Variants in ATXN2L observed in about 807,000 individuals in gnomAD.
The protein encoded by ATXN2L is ataxin 2 like.
Under a neutral mutation model 120.7 loss-of-function variants are expected in ATXN2L, and 24 were observed. The ratio of observed to expected loss-of-function variants is 0.20; its 90% confidence interval spans 0.14 to 0.28. ATXN2L has a LOEUF of 0.28. Among genes scored for constraint, ATXN2L ranks in the 10% least tolerant of loss-of-function variants. ATXN2L has a pLI of 1.00. For synonymous variants in ATXN2L, 653 were observed against 568.1 expected, an observed-to-expected ratio of 1.15 and a Z score of -2.13; for missense variants, 1,312 against 1,432.3, an observed-to-expected ratio of 0.92 and a Z score of 1.36.
Position 28,832,190 on chromosome 16 carries a change from C to T in ATXN2L, c.1322-15C>T. The T allele has an allele frequency of 6.2e-7, 1 of 1,613,996 alleles. No homozygotes were observed. Among genetic ancestry groups the T allele is most frequent in the Non-Finnish European group, 8.5e-7 (1 of 1,179,908 alleles). ...ACCAGCAGTAACCATCCTACAGCTC[C>T]CCCTTTTCTTCCAGTGGGCCGGATG... On this transcript the variant is annotated splice_polypyrimidine_tract_variant and intron_variant, in intron 10 of 21. Coordinates refer to ENST00000336783, the MANE Select transcript of ATXN2L (RefSeq NM_007245.4).
chr16:28,823,028 G>T lies in ATXN2L; in HGVS notation c.-232G>T. On this transcript the variant is annotated 5_prime_UTR_variant, in exon 1 of 22. Transcript: ENST00000336783. The stretch of plus-strand genomic sequence containing the variant: ...ACGCGCACGCGCGCCAGCCCGGCTC[G>T]CGCCCTCTCGCTTTCCTCCAGCCGC... 1 of 226,956 alleles carries T rather than the reference G, an allele frequency of 4.4e-6. No individual in the cohort carries two copies. Among genetic ancestry groups the T allele is most frequent in the East Asian group, 8.3e-5 (1 of 12,008 alleles). The allele number at this position is 226,956 out of a possible 1,614,324, so 14.1% of individuals were successfully genotyped here.
At chr16:28,826,812 AAG>A in intron 5 of ATXN2L, 48 bp from the exon 6 acceptor site, 3 of 1,489,548 alleles carry the variant, frequency 2.0e-6, no homozygotes, top group Non-Finnish European at 2.7e-6. Context: ...TATTGGAAAG[AAG>A]TCTGTGAAAT....
In ATXN2L at chr16:28,833,522, G is replaced by A; in HGVS notation, c.2025+14G>A. ...CTGCTGTCTGTGGTGAGCTGGGACA[G>A]GAGAATGTGGACTTTGGTTTCTGTG... On this transcript the variant is annotated intron_variant, in intron 15 of 21. Coordinates refer to ENST00000336783, the MANE Select transcript of ATXN2L (RefSeq NM_007245.4). The A allele has an allele frequency of 6.2e-7, 1 of 1,613,900 alleles. No individual in the cohort carries two copies.
Position 28,826,504 on chromosome 16 carries a change from G to A in ATXN2L, c.616+114G>A. The A allele has an allele frequency of 9.2e-6, 12 of 1,308,962 alleles. 1 individual carries two copies. The Admixed American group carries it at 2.4e-4, about 27-fold the overall frequency. 81.1% of individuals were successfully genotyped at this position (1,308,962 alleles called of 1,614,324 possible). On this transcript the variant is annotated intron_variant, in intron 5 of 21. Coordinates refer to ENST00000336783, the MANE Select transcript of ATXN2L (RefSeq NM_007245.4). The stretch of plus-strand genomic sequence containing the variant: ...TTGGTTTGTTTTTTTGTTTTTGTTT[G>A]TTTGTTTTGCTTTAATGCCTTTTTT...
rs1960014958 is a variant in ATXN2L, at chr16:28,835,306, T to C, written c.2592T>C (p.His864=). The C allele has an allele frequency of 6.2e-7, 1 of 1,613,796 alleles. No homozygotes were observed. The highest frequency in any genetic ancestry group is 8.5e-7 in the Non-Finnish European group (1 of 1,179,972). ...CTGTTCACCAGTCCTACCCACACCA[T>C]GCCACACAGCTCCATGCCCACCAGC... ...YATVHQSYPH[H]ATQLHAHQPQ... Residue 864 remains histidine, a synonymous_variant, in exon 20 of 22, where the codon CAT becomes CAC. Transcript: ENST00000336783.
intron 4 of ATXN2L, 135 bp downstream of exon 4, chr16:28,825,976 T>C: frequency 1.0e-6 from 1 of 954,892 alleles, no homozygotes; most frequent in East Asian, 2.6e-5. Flanking sequence ...TGAATAGTGC[T>C]GCAGGGAAAA....
In ATXN2L at chr16:28,835,570, C is replaced by T; in HGVS notation, c.2707C>T (p.His903Tyr). 2 of 1,613,820 alleles carry T rather than the reference C, an allele frequency of 1.2e-6. No individual in the cohort carries two copies. Among genetic ancestry groups the T allele is most frequent in the Non-Finnish European group, 8.5e-7 (1 of 1,179,954 alleles). Residue 903 changes from histidine (H) to tyrosine (Y), a missense_variant, in exon 21 of 22, where the codon CAC (histidine) becomes TAC (tyrosine). Coordinates refer to ENST00000336783, the MANE Select transcript of ATXN2L (RefSeq NM_007245.4). ...PVQHQAGQAPHLGSGQPQQNL... is the reference protein window; with the variant it reads ...PVQHQAGQAPYLGSGQPQQNL... ...GCAGCATCAGGCGGGGCAGGCCCCACACTTGGGCAGTGGACAGCCACAGCA... is the reference window on the plus strand; with the variant it reads ...GCAGCATCAGGCGGGGCAGGCCCCATACTTGGGCAGTGGACAGCCACAGCA...
In ATXN2L at chr16:28,823,448, C is replaced by A. The variant is rs1140131; in HGVS notation, c.189C>A (p.Ala63=). ...AAASPCLGPV[A]AAGSGLRRGA... ...CCTCCCCCTGCCTGGGGCCTGTGGCCGCTGCCGGGAGCGGGCTCCGCCGGG... is the reference window on the plus strand; with the variant it reads ...CCTCCCCCTGCCTGGGGCCTGTGGCAGCTGCCGGGAGCGGGCTCCGCCGGG... Residue 63 remains alanine, a synonymous_variant, in exon 1 of 22, where the codon GCC becomes GCA. Transcript: ENST00000336783. The A allele has an allele frequency of 2.8e-5, 37 of 1,324,476 alleles. No homozygotes were observed. The highest frequency in any genetic ancestry group is 3.4e-5 in the Non-Finnish European group (36 of 1,043,632). The allele number at this position is 1,324,476 out of a possible 1,614,324, so 82.0% of individuals were successfully genotyped here.
chr16:28,827,554 A>C (rs1035980839), intron 6 of ATXN2L, among the ~76,000 whole-genome samples: 7 of 151,802 alleles, frequency 4.6e-5, no homozygotes, highest in Non-Finnish European at 8.8e-5. Context: ...TTCTCTTCCC[A>C]AAATCAGCTA....
intron 10 of ATXN2L, among the ~76,000 whole-genome samples, chr16:28,831,898 C>A (rs1238333372): frequency 6.6e-6 from 1 of 151,986 alleles, no homozygotes; most frequent in Non-Finnish European, 1.5e-5. Context: ...ATAAATAAAT[C>A]AATAGAAGCC....
In ATXN2L at chr16:28,835,104, C is replaced by T. The variant is rs897010557; in HGVS notation, c.2480C>T (p.Ser827Leu). 4.3e-6 allele frequency: 7 copies of T among 1,613,762 alleles called. No homozygotes were observed. Among genetic ancestry groups the T allele is most frequent in the South Asian group, 1.1e-5 (1 of 91,064 alleles). The change falls in exon 19 of 22, where the codon TCG becomes TTG. Residue 827 changes from serine (S) to leucine (L), a missense_variant. Ser to Leu is a moderately radical substitution (Grantham distance 145). Transcript: ENST00000336783. ...CAGAGCAACCCACGCATGCTGACGT[C>T]GGGCAGCCATCCCCAGGCCATCGTG... ...MLQSNPRMLT[S>L]GSHPQAIVSS...
At position 28,824,235 on chromosome 16, in the gene ATXN2L, C is replaced by T. The variant is rs934673828; in HGVS notation, c.299+677C>T. On this transcript the variant is annotated intron_variant, in intron 1 of 21. Transcript: ENST00000336783. ...GGGCAGGGACTAGTTCGTGGAGGGG[C>T]TCGTCTGGTGGCAGTGCATGAGTAG... 6 of 1,101,014 alleles carry T rather than the reference C, an allele frequency of 5.4e-6. No individual in the cohort carries two copies. In the African/African-American group the frequency reaches 8.4e-5, roughly 15 times the overall value. 68.2% of individuals were successfully genotyped at this position (1,101,014 alleles called of 1,614,324 possible). A position where few individuals can be genotyped will look rare whatever the true frequency, so the allele number is the denominator to read the frequency against.
At position 28,826,348 on chromosome 16, in the gene ATXN2L, C is replaced by T. The variant is rs1223191943; in HGVS notation, c.574C>T (p.Leu192Phe). The change falls in exon 5 of 22, where the codon CTT becomes TTT. Residue 192 changes from leucine (L) to phenylalanine (F), a missense_variant. Leu to Phe is a conservative substitution (Grantham distance 22). Coordinates refer to ENST00000336783, the MANE Select transcript of ATXN2L (RefSeq NM_007245.4). ...TMVFKPSDVM[L>F]VHFRNVDFNY... ...GGTGTTTAAGCCAAGTGATGTCATG[C>T]TTGTTCACTTCCGAAATGTTGACTT... 2.5e-6 allele frequency: 4 copies of T among 1,614,076 alleles called. No individual in the cohort carries two copies. The highest frequency in any genetic ancestry group is 3.4e-6 in the Non-Finnish European group (4 of 1,180,032).
intron 6 of ATXN2L, among the ~76,000 whole-genome samples, chr16:28,828,590 CA>C (rs199840308): frequency 0.28 from 34,676 of 123,518 alleles, 3,999 homozygotes; most frequent in African/African-American, 0.3. Context: ...TCTTTGTCTC[CA>C]AAAAAAAAAA....
At chr16:28,826,205 C>T (rs1189546407) in intron 4 of ATXN2L, 35 bp from the exon 5 acceptor site, 3 of 1,606,684 alleles carry the variant, frequency 1.9e-6, no homozygotes, top group East Asian at 4.5e-5. Flanking sequence ...TTTCTTGAAA[C>T]TGACCCATGG....
rs1016553368 is a variant in ATXN2L at position 28,825,269 on chromosome 16, T to G, written c.300-97T>G. Reference sequence around the variant, plus strand: ...AACAATTTTGTAGTCTAAATCAGCATCATCAGGTGGTATATACTTCTAGGA... The same window carrying G: ...AACAATTTTGTAGTCTAAATCAGCAGCATCAGGTGGTATATACTTCTAGGA... On this transcript the variant is annotated intron_variant, in intron 1 of 21. Transcript: ENST00000336783. 8.8e-6 allele frequency: 10 copies of G among 1,130,838 alleles called. No individual in the cohort carries two copies. In the African/African-American group the frequency reaches 1.6e-4, roughly 18 times the overall value. 70.1% of individuals were successfully genotyped at this position (1,130,838 alleles called of 1,614,324 possible).
Position 28,823,364 on chromosome 16 carries a change from C to T in ATXN2L, c.105C>T (p.Asn35=). The change falls in exon 1 of 22, where the codon AAC becomes AAT. Residue 35 remains asparagine (N), a synonymous_variant. Transcript: ENST00000336783. Reference sequence around the variant, plus strand: ...CCCCCGGGGGCACCAGCCCTCCCAACGGCGGCCTCCCGGGGCCGCTGGCCA... The same window carrying T: ...CCCCCGGGGGCACCAGCCCTCCCAATGGCGGCCTCCCGGGGCCGCTGGCCA... ...RRPPGGTSPP[N]GGLPGPLATS... is the part of the protein sequence containing the mutation. The T allele has an allele frequency of 7.4e-7, 1 of 1,355,030 alleles. No homozygotes were observed. The highest frequency in any genetic ancestry group is 9.5e-7 in the Non-Finnish European group (1 of 1,056,312). 83.9% of individuals were successfully genotyped at this position (1,355,030 alleles called of 1,614,324 possible). A position where few individuals can be genotyped will look rare whatever the true frequency, so the allele number is the denominator to read the frequency against.
In ATXN2L at chr16:28,833,325, A is replaced by G. The variant is rs1247279853; in HGVS notation, c.1926A>G (p.Gly642=). The G allele has an allele frequency of 6.2e-7, 1 of 1,613,434 alleles. No individual in the cohort carries two copies. Among genetic ancestry groups the G allele is most frequent in the Middle Eastern group, 1.7e-4 (1 of 6,058 alleles). The part of the protein sequence containing the change: ...TGSPPVGLIK[G]EDKDEGPVAE... ...GCCCCCCGGTGGGCCTCATCAAGGG[A>G]GAAGACAAAGATGAGGGCCCTGTTG... The change falls in exon 14 of 22, where the codon GGA becomes GGG. Residue 642 remains glycine (G), a synonymous_variant. Coordinates refer to ENST00000336783, the MANE Select transcript of ATXN2L (RefSeq NM_007245.4).
intron 8 of ATXN2L, 70 bp downstream of exon 8, chr16:28,830,128 A>C: frequency 6.9e-7 from 1 of 1,444,632 alleles, no homozygotes. Flanking sequence ...CCCAGAGTTG[A>C]TGAGTGCTGT....
Sources: allele counts gnomAD v4.1 joint callset (sites outside exome capture counted in the v4.1 genomes callset), GRCh38; gene constraint gnomAD v4.1.1; transcripts MANE v1.5; gene names NCBI Gene and HGNC (gene_info 2026-07-23, HGNC 2026-07-21).